ABLIM1: variants seen among roughly 807,000 people sequenced by gnomAD.
The protein encoded by ABLIM1 is actin binding LIM protein 1.
ABLIM1 carries 40 observed loss-of-function variants against 107.0 expected under a neutral mutation model. That is an observed-to-expected ratio of 0.37 (90% CI 0.29 to 0.49). ABLIM1 has a LOEUF of 0.49. Ranked by LOEUF, ABLIM1 falls within the 20% of genes least tolerant of loss-of-function variation. The probability of loss-of-function intolerance (pLI) is 0.97; values close to 1 mark genes in which losing one functional copy is unlikely to be tolerated. For synonymous variants in ABLIM1, 357 were observed against 357.3 expected, an observed-to-expected ratio of 1.00 and a Z score of 0.01; for missense variants, 857 against 1,008.5, an observed-to-expected ratio of 0.85 and a Z score of 2.04.
intron 1 of ABLIM1, among the ~76,000 whole-genome samples, chr10:114,644,057 A>G (rs1052932808): frequency 4.6e-5 from 7 of 151,370 alleles, no homozygotes; most frequent in Admixed American, 1.3e-4. Flanking sequence ...CGAGGCGGGC[A>G]GATCACAAGG....
chr10:114,716,281 T>A (rs1322761468), intron 1 of ABLIM1, among the ~76,000 whole-genome samples: 1 of 152,202 alleles, frequency 6.6e-6, no homozygotes, highest in Non-Finnish European at 1.5e-5. Context: ...AGGAAAATTC[T>A]ATCTTTTGCG....
intron 8 of ABLIM1, 119 bp downstream of exon 8, chr10:114,487,839 G>C (rs1329763033): frequency 7.9e-7 from 1 of 1,261,860 alleles, no homozygotes; most frequent in Non-Finnish European, 1.2e-6. Flanking sequence ...AACTTAGTTT[G>C]CTATAAGGGA....
chr10:114,747,140 T>C (rs2082401664), intron 1 of ABLIM1, among the ~76,000 whole-genome samples: 3 of 152,158 alleles, frequency 2.0e-5, no homozygotes, highest in Admixed American at 2.0e-4. Context: ...TTTTCACAAA[T>C]TGGTGAAGAA....
chr10:114,693,352 A>G (rs2081123487), intron 1 of ABLIM1, among the ~76,000 whole-genome samples: 1 of 141,578 alleles, frequency 7.1e-6, no homozygotes, highest in Admixed American at 7.2e-5. Flanking sequence ...TTCATTTTAA[A>G]AAGGAGGAAA....
In ABLIM1 at chr10:114,467,610, T is replaced by C. The variant is rs1159418364; in HGVS notation, c.1311+571A>G. ...TCTTCATAAATTCAATGCAAATTAT[T>C]AGAATATAGGTAGAAATTAATAATT... is the stretch of plus-strand genomic sequence containing the variant. On this transcript the variant is annotated intron_variant, in intron 11 of 22. Transcript: ENST00000533213. Among the ~76,000 whole-genome samples, 4 of 152,340 alleles carry C rather than the reference T, an allele frequency of 2.6e-5. No homozygotes were observed. The East Asian group carries it at 7.7e-4, about 29-fold the overall frequency.
chr10:114,559,438 CAAA>C (rs72456292), intron 4 of ABLIM1, among the ~76,000 whole-genome samples: 6 of 49,364 alleles, frequency 1.2e-4, no homozygotes, highest in Non-Finnish European at 1.9e-4. Flanking sequence ...ACTCGTCTCT[CAAA>C]AAAAAAAAAA....
chr10:114,480,467 C>T (rs537378030), intron 8 of ABLIM1, among the ~76,000 whole-genome samples: 2 of 152,344 alleles, frequency 1.3e-5, no homozygotes, highest in Admixed American at 6.5e-5. Flanking sequence ...ATTTAAGCAC[C>T]TTTTCCTTGC....
At chr10:114,478,558 T>C (rs1447696622) in intron 8 of ABLIM1, among the ~76,000 whole-genome samples, 1 of 152,256 alleles carries the variant, frequency 6.6e-6, no homozygotes, top group Middle Eastern at 3.2e-3. Context: ...TGGTAGTTTT[T>C]ACTGCATTCA....
At position 114,433,353 on chromosome 10, in the gene ABLIM1, G is replaced by A. The variant is rs976801798; in HGVS notation, c.*2907C>T. On this transcript the variant is annotated 3_prime_UTR_variant, in exon 23 of 23. Coordinates refer to ENST00000533213, the MANE Select transcript of ABLIM1 (RefSeq NM_002313.7). ...GCATTCTAGCCCACACATTCAATCT[G>A]GCAGTTAGCAGGAACCAGGTTGCCC... 1 of 152,186 alleles carries A rather than the reference G, an allele frequency of 6.6e-6. No homozygotes were observed. The highest frequency in any genetic ancestry group is 2.4e-5 in the African/African-American group (1 of 41,462). 9.4% of individuals were successfully genotyped at this position (152,186 alleles called of 1,614,324 possible).
intron 12 of ABLIM1, among the ~76,000 whole-genome samples, chr10:114,459,485 G>T (rs982497429): frequency 2.0e-5 from 3 of 152,112 alleles, no homozygotes; most frequent in Non-Finnish European, 2.9e-5. Flanking sequence ...ATTCCTTGGA[G>T]AATCCACATT....
chr10:114,485,212 G>A, intron 8 of ABLIM1: 1 of 1,064,978 alleles, frequency 9.4e-7, no homozygotes, highest in Non-Finnish European at 1.3e-6. Context: ...AAGAAGTTAT[G>A]TGAGAAAAGC....
At chr10:114,522,236 C>T (rs2063852011) in intron 6 of ABLIM1, among the ~76,000 whole-genome samples, 1 of 152,196 alleles carries the variant, frequency 6.6e-6, no homozygotes, top group Admixed American at 6.5e-5. Context: ...AACAAAAACC[C>T]AGTCGAACAC....
the ABLIM1 span, among the ~76,000 whole-genome samples, chr10:114,794,701 TA>T: frequency 6.6e-6 from 1 of 152,214 alleles, no homozygotes; most frequent in African/African-American, 2.4e-5. Flanking sequence ...GTACTTTATC[TA>T]AAGCAAGCTT....
intron 1 of ABLIM1, among the ~76,000 whole-genome samples, chr10:114,740,337 A>T (rs1469263005): frequency 6.6e-6 from 1 of 152,130 alleles, no homozygotes; most frequent in Admixed American, 6.5e-5. Flanking sequence ...GCACTAACAC[A>T]AATGGACAGT....
At chr10:114,663,429 T>C (rs926476472) in intron 1 of ABLIM1, among the ~76,000 whole-genome samples, 2 of 152,242 alleles carry the variant, frequency 1.3e-5, no homozygotes, top group East Asian at 1.9e-4. Flanking sequence ...CTGTACATAC[T>C]TGGTGCTCAA....
upstream of ABLIM1, among the ~76,000 whole-genome samples, chr10:114,771,646 A>T (rs1361652002): frequency 6.6e-6 from 1 of 152,226 alleles, no homozygotes; most frequent in Non-Finnish European, 1.5e-5. Context: ...GAATCTCCTA[A>T]CAAATGTCTC....
At chr10:114,646,598 A>C (rs2079021502) in intron 1 of ABLIM1, among the ~76,000 whole-genome samples, 2 of 152,220 alleles carry the variant, frequency 1.3e-5, no homozygotes, top group African/African-American at 4.8e-5. Context: ...TACCGACCAA[A>C]CGGTATGAAG....
chr10:114,798,063 G>C, the ABLIM1 span, among the ~76,000 whole-genome samples: 1 of 152,290 alleles, frequency 6.6e-6, no homozygotes, highest in East Asian at 1.9e-4. Context: ...TAATGACTAT[G>C]TTACTATGTT....
At chr10:114,705,805 A>T (rs1450086611) in intron 1 of ABLIM1, among the ~76,000 whole-genome samples, 1 of 152,238 alleles carries the variant, frequency 6.6e-6, no homozygotes, top group African/African-American at 2.4e-5. Flanking sequence ...AGAAAATCAT[A>T]ACAAAAAATT....
Sources: gnomAD v4.1 joint callset for allele counts (sites outside exome capture counted in the v4.1 genomes callset) on GRCh38, gnomAD v4.1.1 for gene constraint, MANE v1.5 for transcripts, NCBI Gene and HGNC (gene_info 2026-07-23, HGNC 2026-07-21) for gene names.